The following SH3PXD2A variants were observed in gnomAD, a reference collection of about 807,000 sequenced individuals.
SH3PXD2A encodes SH3 and PX domains 2A.
A neutral mutation model predicts 115.2 loss-of-function variants in SH3PXD2A; 32 were observed. That is an observed-to-expected ratio of 0.28 (90% CI 0.21 to 0.37). The LOEUF (loss-of-function observed/expected upper bound fraction) is 0.37. Ranked by LOEUF, SH3PXD2A falls within the 10% of genes least tolerant of loss-of-function variation. SH3PXD2A has a pLI of 1.00. For missense variants in SH3PXD2A, 1,328 were observed against 1,498.7 expected (o/e 0.89, Z 1.88); for synonymous variants, 610 against 629.1 (o/e 0.97, Z 0.45).
At chr10:103,735,839 T>C (rs1270360546) in intron 3 of SH3PXD2A, 31 bp from the exon 4 acceptor site, 1 of 1,591,044 alleles carries the variant, frequency 6.3e-7, no homozygotes, top group South Asian at 1.1e-5. Flanking sequence ...AGTGGGGGAT[T>C]CTGGCTAAAA....
In SH3PXD2A at chr10:103,598,386, T is replaced by C. The variant is rs952751810; in HGVS notation, c.*3430A>G. 1 of 152,292 alleles carries C rather than the reference T, an allele frequency of 6.6e-6. No individual in the cohort carries two copies. Among genetic ancestry groups the C allele is most frequent in the Non-Finnish European group, 1.5e-5 (1 of 67,984 alleles). The allele number at this position is 152,292 out of a possible 1,614,324, so 9.4% of individuals were successfully genotyped here. ...CCAGGTCTGCTGTCACAAAGAGGGA[T>C]GAGGTGGGGGGAGATGACATTTTTT... is the stretch of plus-strand genomic sequence containing the variant. On this transcript the variant is annotated 3_prime_UTR_variant, in exon 15 of 15. Coordinates refer to ENST00000369774, the MANE Select transcript of SH3PXD2A (RefSeq NM_001394015.1).
chr10:103,663,776 C>T (rs1433776931), intron 7 of SH3PXD2A, among the ~76,000 whole-genome samples: 1 of 152,244 alleles, frequency 6.6e-6, no homozygotes, highest in Non-Finnish European at 1.5e-5. Context: ...GGCCTCCTTC[C>T]AGGGAAAGAA....
intron 1 of SH3PXD2A, among the ~76,000 whole-genome samples, chr10:103,821,211 C>T (rs1017179154): frequency 2.1e-5 from 3 of 145,726 alleles, no homozygotes; most frequent in African/African-American, 5.1e-5. Context: ...GGTGCGGTCT[C>T]GGCTTACTGC....
intron 5 of SH3PXD2A, among the ~76,000 whole-genome samples, chr10:103,697,543 C>A (rs929108656): frequency 7.9e-5 from 12 of 152,152 alleles, no homozygotes; most frequent in African/African-American, 2.7e-4. Flanking sequence ...CTCTGTCTAG[C>A]GCCGAGCACC....
chr10:103,830,176 G>C (rs7085316), intron 1 of SH3PXD2A, among the ~76,000 whole-genome samples: 151,902 of 152,388 alleles, frequency 1, 75,717 homozygotes, highest in Middle Eastern at 1. Context: ...TGAAAAACTG[G>C]CTGAGTTCTT....
chr10:103,651,426 C>G (rs528811264), intron 8 of SH3PXD2A, among the ~76,000 whole-genome samples: 5 of 152,380 alleles, frequency 3.3e-5, no homozygotes, highest in Non-Finnish European at 7.3e-5. Flanking sequence ...TTTAGCACAA[C>G]TGACCGCTGC....
At chr10:103,776,395 CAAAAA>C (rs11384789) in intron 2 of SH3PXD2A, among the ~76,000 whole-genome samples, 1 of 88,318 alleles carries the variant, frequency 1.1e-5, no homozygotes. Flanking sequence ...ACCACTGTCT[CAAAAA>C]AAAAAAAAAA....
chr10:103,669,239 G>A (rs1245620486), intron 6 of SH3PXD2A, among the ~76,000 whole-genome samples: 1 of 152,150 alleles, frequency 6.6e-6, no homozygotes, highest in Non-Finnish European at 1.5e-5. Flanking sequence ...ATCGTTTTAG[G>A]GAGTCTTGCT....
intron 1 of SH3PXD2A, among the ~76,000 whole-genome samples, chr10:103,822,235 T>C (rs934697693): frequency 3.9e-5 from 6 of 152,264 alleles, no homozygotes; most frequent in African/African-American, 1.4e-4. Flanking sequence ...ATTATTTCTC[T>C]TGAGTAATAG....
chr10:103,839,346 T>C (rs534794698), intron 1 of SH3PXD2A, among the ~76,000 whole-genome samples: 1 of 152,186 alleles, frequency 6.6e-6, no homozygotes, highest in Admixed American at 6.5e-5. Context: ...GCTCTGAACA[T>C]GCACATGCGA....
At chr10:103,715,599 G>GT (rs1330663531) in intron 5 of SH3PXD2A, among the ~76,000 whole-genome samples, 1 of 152,232 alleles carries the variant, frequency 6.6e-6, no homozygotes, top group East Asian at 1.9e-4. Flanking sequence ...ATTCTCCCCA[G>GT]TGCCGGAGCA....
chr10:103,650,074 G>C (rs989451398), intron 8 of SH3PXD2A, among the ~76,000 whole-genome samples: 3 of 152,234 alleles, frequency 2.0e-5, no homozygotes, highest in Admixed American at 1.3e-4. Flanking sequence ...AGAAAAACAG[G>C]CTCTTTAAAT....
intron 8 of SH3PXD2A, among the ~76,000 whole-genome samples, chr10:103,660,686 C>T (rs769669672): frequency 6.6e-6 from 1 of 152,238 alleles, no homozygotes; most frequent in Non-Finnish European, 1.5e-5. Context: ...CCACGGGCCT[C>T]CGAGGGCACG....
chr10:103,742,955 C>G lies in SH3PXD2A; in HGVS notation c.230-7147G>C, dbSNP rs4999190. Among the ~76,000 whole-genome samples the G allele has an allele frequency of 2.6e-3, 382 of 144,206 alleles. 1 individual carries two copies. The highest frequency in any genetic ancestry group is 0.014 in the South Asian group (64 of 4,634). 94.6% of individuals were successfully genotyped at this position (144,206 alleles called of 152,430 possible). On this transcript the variant is annotated intron_variant, in intron 3 of 14. Transcript: ENST00000369774. ...TCCTAGAGGGAACCTCCCTCCCCCC[C>G]TCAAGGGTGACACGCATGCTCGTGG... is the stretch of plus-strand genomic sequence containing the variant.
chr10:103,838,128 G>A (rs547606524), intron 1 of SH3PXD2A, among the ~76,000 whole-genome samples: 4 of 152,248 alleles, frequency 2.6e-5, no homozygotes, highest in South Asian at 2.1e-4. Flanking sequence ...CTTTACACTC[G>A]CCCTTCCTCT....
intron 6 of SH3PXD2A, among the ~76,000 whole-genome samples, chr10:103,672,078 A>T (rs1224997007): frequency 3.3e-5 from 5 of 152,198 alleles, no homozygotes; most frequent in African/African-American, 1.2e-4. Flanking sequence ...GGAGGTTAGG[A>T]GTTCGAGACC....
At chr10:103,708,627 G>A (rs2038010269) in intron 5 of SH3PXD2A, among the ~76,000 whole-genome samples, 1 of 152,170 alleles carries the variant, frequency 6.6e-6, no homozygotes, top group Non-Finnish European at 1.5e-5. Context: ...TGGCAGCCTT[G>A]TCTTCCCTGC....
At chr10:103,637,308 C>T (rs2036882106) in intron 8 of SH3PXD2A, among the ~76,000 whole-genome samples, 1 of 152,186 alleles carries the variant, frequency 6.6e-6, no homozygotes, top group Admixed American at 6.5e-5. Flanking sequence ...ACCCAGGAGG[C>T]TTTAGATGAC....
At chr10:103,622,394 G>T (rs955305334) in intron 10 of SH3PXD2A, 76 bp downstream of exon 10, 6 of 970,262 alleles carry the variant, frequency 6.2e-6, no homozygotes, top group Non-Finnish European at 9.5e-6. Flanking sequence ...AGAGAGCAGA[G>T]CCCGGAAAGA....
Sources: allele counts gnomAD v4.1 joint callset (sites outside exome capture counted in the v4.1 genomes callset), GRCh38; gene constraint gnomAD v4.1.1; transcripts MANE v1.5; gene names NCBI Gene and HGNC (gene_info 2026-07-23, HGNC 2026-07-21).